SMYD3: variants seen among roughly 807,000 people sequenced by gnomAD.
SMYD3 encodes histone-lysine N-methyltransferase SMYD3.
A neutral mutation model predicts 57.7 loss-of-function variants in SMYD3; 36 were observed. That is an observed-to-expected ratio of 0.62 (90% CI 0.48 to 0.82). SMYD3 has a LOEUF of 0.82. Among genes scored for constraint, SMYD3 ranks in the 40% least tolerant of loss-of-function variants. The pLI, the probability that SMYD3 is intolerant of heterozygous loss-of-function variation, is 0.00. For synonymous variants in SMYD3, 211 were observed against 195.0 expected (o/e 1.08, Z -0.68); for missense variants, 515 against 538.8 (o/e 0.96, Z 0.44).
chr1:245,988,730 C>G (rs2058753267), intron 5 of SMYD3, among the ~76,000 whole-genome samples: 2 of 152,240 alleles, frequency 1.3e-5, no homozygotes, highest in African/African-American at 4.8e-5. Context: ...CCAGGCCAAT[C>G]AGCAGATGGT....
intron 1 of SMYD3, among the ~76,000 whole-genome samples, chr1:246,356,289 G>A (rs2065909097): frequency 6.6e-6 from 1 of 152,054 alleles, no homozygotes; most frequent in South Asian, 2.1e-4. Flanking sequence ...AAAAGTATCT[G>A]AACAGCAGCC....
At chr1:245,929,456 G>A (rs1358026334) in intron 6 of SMYD3, among the ~76,000 whole-genome samples, 1 of 152,198 alleles carries the variant, frequency 6.6e-6, no homozygotes, top group East Asian at 1.9e-4. Flanking sequence ...CTCCTTGAGT[G>A]AAAGGGCTCA....
chr1:246,119,428 T>C (rs2061391182), intron 5 of SMYD3, among the ~76,000 whole-genome samples: 1 of 145,968 alleles, frequency 6.9e-6, no homozygotes, highest in South Asian at 2.2e-4. Flanking sequence ...TTTTTTTTTT[T>C]TTGAGATGGA....
At chr1:246,418,730 A>C (rs2067099546) in intron 1 of SMYD3, among the ~76,000 whole-genome samples, 1 of 152,104 alleles carries the variant, frequency 6.6e-6, no homozygotes, top group African/African-American at 2.4e-5. Flanking sequence ...GCTCTCCTCC[A>C]ACCGTCCCAG....
chr1:245,915,713 T>C (rs2055358901), intron 7 of SMYD3, 73 bp from the exon 8 acceptor site: 3 of 945,012 alleles, frequency 3.2e-6, no homozygotes, highest in Non-Finnish European at 4.8e-6. Context: ...GTTATTATTA[T>C]TGCTAATTAT....
In SMYD3 at chr1:246,043,935, G is replaced by C. The variant is rs145632837; in HGVS notation, c.532-113998C>G. Among the ~76,000 whole-genome samples, 406 of 152,266 alleles carry C rather than the reference G, an allele frequency of 2.7e-3. 3 individuals are homozygous for C. Among genetic ancestry groups the C allele is most frequent in the Non-Finnish European group, 4.5e-3 (307 of 68,034 alleles). ...TTCGGGGATCTCCAGGTACAGGGAA[G>C]CCTGTTCGCACATTCACCTTTAGGA... On this transcript the variant is annotated intron_variant, in intron 5 of 11. Coordinates refer to ENST00000490107, the MANE Select transcript of SMYD3 (RefSeq NM_001167740.2).
At chr1:245,796,807 A>G (rs1255910736) in intron 10 of SMYD3, among the ~76,000 whole-genome samples, 1 of 152,192 alleles carries the variant, frequency 6.6e-6, no homozygotes, top group Non-Finnish European at 1.5e-5. Flanking sequence ...TCACTGCTCC[A>G]TTCTATTAGC....
chr1:245,817,242 G>A (rs1345906515), intron 10 of SMYD3, among the ~76,000 whole-genome samples: 2 of 144,966 alleles, frequency 1.4e-5, no homozygotes, highest in African/African-American at 5.2e-5. Flanking sequence ...CCTGACCCCT[G>A]ACCCCCGAGC....
intron 10 of SMYD3, among the ~76,000 whole-genome samples, chr1:245,830,380 A>G (rs6605242): frequency 0.91 from 138,625 of 152,208 alleles, 63,597 homozygotes; most frequent in Non-Finnish European, 0.97. Context: ...CACTTATAAA[A>G]CCATTAGATC....
Position 246,507,120 on chromosome 1 carries a change from G to C in SMYD3, c.98C>G (p.Ser33Trp), listed in dbSNP as rs749974413. 6.5e-7 allele frequency: 1 copy of C among 1,533,722 alleles called. No homozygotes were observed. The highest frequency in any genetic ancestry group is 8.8e-7 in the Non-Finnish European group (1 of 1,140,274). The change falls in exon 1 of 12, where the codon TCG becomes TGG. Residue 33 changes from serine to tryptophan, a missense_variant. Physicochemically the swap from Ser to Trp is radical, Grantham distance 177. Coordinates refer to ENST00000490107, the MANE Select transcript of SMYD3 (RefSeq NM_001167740.2). ...GCACACCGTGTACGCCAAGGGATCC[G>C]AGCGGAAGAGTAGCTCTCCGGGGCG... is the stretch of plus-strand genomic sequence containing the variant. ...PLRPGELLFRSDPLAYTVCKG... is the reference protein window; with the variant it reads ...PLRPGELLFRWDPLAYTVCKG...
chr1:246,180,407 G>T (rs1324514974), intron 5 of SMYD3, among the ~76,000 whole-genome samples: 2 of 145,434 alleles, frequency 1.4e-5, no homozygotes, highest in Non-Finnish European at 3.0e-5. Context: ...TCCACTCAAG[G>T]TCATGAAGAT....
chr1:245,973,990 C>T (rs2058363012), intron 5 of SMYD3, among the ~76,000 whole-genome samples: 1 of 152,102 alleles, frequency 6.6e-6, no homozygotes, highest in Admixed American at 6.5e-5. Context: ...AAATCATCAT[C>T]ATTAATACCT....
At chr1:246,100,950 T>C (rs894085070) in intron 5 of SMYD3, among the ~76,000 whole-genome samples, 1 of 152,248 alleles carries the variant, frequency 6.6e-6, no homozygotes, top group Non-Finnish European at 1.5e-5. Context: ...ATTTAACTTA[T>C]GCTGTAGGTC....
At chr1:246,455,735 G>T (rs1214076223) in intron 1 of SMYD3, among the ~76,000 whole-genome samples, 1 of 152,190 alleles carries the variant, frequency 6.6e-6, no homozygotes, top group Non-Finnish European at 1.5e-5. Context: ...ATGCCTCAAA[G>T]AATTTATGGC....
chr1:246,331,850 C>G (rs1246747077), intron 3 of SMYD3, among the ~76,000 whole-genome samples: 2 of 152,176 alleles, frequency 1.3e-5, no homozygotes, highest in Non-Finnish European at 2.9e-5. Context: ...GTTACTGTGG[C>G]CTGTGATCAG....
chr1:246,159,254 C>T (rs1341203824), intron 5 of SMYD3, among the ~76,000 whole-genome samples: 1 of 152,178 alleles, frequency 6.6e-6, no homozygotes, highest in African/African-American at 2.4e-5. Flanking sequence ...TCACTGGATT[C>T]CCACAATGCC....
chr1:246,297,182 G>A (rs1470816858), intron 5 of SMYD3, among the ~76,000 whole-genome samples: 3 of 152,092 alleles, frequency 2.0e-5, no homozygotes, highest in Non-Finnish European at 1.5e-5. Flanking sequence ...AAGAAAGTAA[G>A]AAAGAGAAAC....
chr1:245,966,719 T>C (rs1201011448), intron 5 of SMYD3, among the ~76,000 whole-genome samples: 1 of 152,134 alleles, frequency 6.6e-6, no homozygotes, highest in Non-Finnish European at 1.5e-5. Context: ...CCTTATTTCC[T>C]TTCTACCCCC....
intron 5 of SMYD3, among the ~76,000 whole-genome samples, chr1:246,275,082 G>A (rs2064303290): frequency 6.6e-6 from 1 of 152,092 alleles, no homozygotes; most frequent in Non-Finnish European, 1.5e-5. Flanking sequence ...ATCTGAGCTG[G>A]TGTCCTCCTT....
Sources: allele counts gnomAD v4.1 joint callset (sites outside exome capture counted in the v4.1 genomes callset), GRCh38; gene constraint gnomAD v4.1.1; transcripts MANE v1.5; gene names NCBI Gene and HGNC (gene_info 2026-07-23, HGNC 2026-07-21).